The following ANTXRL variants were observed in gnomAD, a reference collection of about 807,000 sequenced individuals.
ANTXRL encodes the protein ANTXR like.
A neutral mutation model predicts 75.4 loss-of-function variants in ANTXRL; 63 were observed. The observed-to-expected ratio is 0.84, with a 90% confidence interval of 0.68 to 1.03. The LOEUF is 1.03. ANTXRL is among the 50% of genes least tolerant of loss of function. The pLI, the probability that ANTXRL is intolerant of heterozygous loss-of-function variation, is 0.00. For synonymous variants in ANTXRL, 335 were observed against 291.3 expected (o/e 1.15, Z -1.53); for missense variants, 797 against 789.4 (o/e 1.01, Z -0.12).
chr10:46,329,872 G>A lies in ANTXRL; in HGVS notation c.1684G>A (p.Glu562Lys). 1 of 1,535,264 alleles carries A rather than the reference G, an allele frequency of 6.5e-7. No homozygotes were observed. Among genetic ancestry groups the A allele is most frequent in the Non-Finnish European group, 8.7e-7 (1 of 1,146,366 alleles). Residue 562 changes from glutamate to lysine, a missense_variant, in exon 17 of 17, where the codon GAG (glutamate) becomes AAG (lysine). Transcript: ENST00000620264. ...AAGGATCTGCCTGAGACACAGCCCG[G>A]AGTACTTTTCCCAAGCACAGACTCT... ...SPRICLRHSP[E>K]YFSQAQTLCN...
intron 13 of ANTXRL, among the ~76,000 whole-genome samples, chr10:46,310,256 G>C (rs1359036650): frequency 6.6e-6 from 1 of 152,106 alleles, no homozygotes; most frequent in Admixed American, 6.5e-5. Flanking sequence ...CGGTACAGGG[G>C]TTCCCCTTTG....
chr10:46,293,487 T>G (rs1837161152), intron 2 of ANTXRL, among the ~76,000 whole-genome samples: 1 of 139,844 alleles, frequency 7.2e-6, no homozygotes, highest in African/African-American at 2.7e-5. Flanking sequence ...TGTGTGTGGG[T>G]GTTTGTGTGG....
Position 46,303,121 on chromosome 10 carries a change from C to T in ANTXRL, c.895+301C>T, listed in dbSNP as rs189297054. Among the ~76,000 whole-genome samples, 211 of 152,304 alleles carry T rather than the reference C, an allele frequency of 1.4e-3. 1 individual carries two copies. The highest frequency in any genetic ancestry group is 2.5e-3 in the Non-Finnish European group (172 of 68,044). ...CACAGCTGCATCTGCCCACCTTAGC[C>T]TCAGTTTCCCCTTCCCTTGAGAGCC... On this transcript the variant is annotated intron_variant, in intron 10 of 16. Coordinates refer to ENST00000620264, the MANE Select transcript of ANTXRL (RefSeq NM_001278688.3).
At chr10:46,286,621 T>G (rs72472018), upstream of ANTXRL, among the ~76,000 whole-genome samples, 10,495 of 152,152 alleles carry the variant, frequency 0.069, 939 homozygotes, top group African/African-American at 0.2. Context: ...TACACAGCAG[T>G]AGAGAACCGG....
rs1588879295 is a variant in ANTXRL, at chr10:46,329,512, C to G, written c.1411-87C>G. The G allele has an allele frequency of 6.1e-6, 9 of 1,479,686 alleles. No individual in the cohort carries two copies. In the East Asian group the frequency reaches 2.2e-4, roughly 37 times the overall value. 91.7% of individuals were successfully genotyped at this position (1,479,686 alleles called of 1,614,324 possible). A position where few individuals can be genotyped will look rare whatever the true frequency, so the allele number is the denominator to read the frequency against. On this transcript the variant is annotated intron_variant, in intron 16 of 16. Transcript: ENST00000620264. ...CTGTGGGTCCCGATGGGTCCTGGCC[C>G]CATCCCTTTGAGCCAGGCAACCGCA...
intron 15 of ANTXRL, among the ~76,000 whole-genome samples, 189 bp downstream of exon 15, chr10:46,311,854 T>G (rs1838447469): frequency 6.6e-6 from 1 of 152,098 alleles, no homozygotes; most frequent in Admixed American, 6.5e-5. Flanking sequence ...GGCAGGCATA[T>G]ATGAGGGCTC....
Position 46,298,033 on chromosome 10 carries a change from C to T in ANTXRL, c.767C>T (p.Ser256Leu), listed in dbSNP as rs113049675. The T allele has an allele frequency of 1.2e-3, 1,898 of 1,535,878 alleles. 16 individuals carry two copies. In the African/African-American group the frequency reaches 0.023, roughly 19 times the overall value. Residue 256 changes from serine (S) to leucine (L), a missense_variant, in exon 9 of 17, where the codon TCG (serine) becomes TTG (leucine). This residue lies in a region of ANTXRL where 56 missense variants were observed against 95.5 expected (regional missense o/e 0.59). Coordinates refer to ENST00000620264, the MANE Select transcript of ANTXRL (RefSeq NM_001278688.3). ...TCAAAGGTCTGTCTTGATGTGACAT[C>T]GGTGGAGCCTTCCTCTGAGTGTGTA... is the stretch of plus-strand genomic sequence containing the variant. ...LTSKVCLDVT[S>L]VEPSSECVGE... is the part of the protein sequence containing the mutation.
At chr10:46,304,281 C>T (rs1312085459) in intron 10 of ANTXRL, among the ~76,000 whole-genome samples, 2 of 152,140 alleles carry the variant, frequency 1.3e-5, no homozygotes, top group African/African-American at 2.4e-5. Flanking sequence ...GAGAGTTTCT[C>T]TCTAAAAGAA....
intron 14 of ANTXRL, 26 bp downstream of exon 14, chr10:46,310,525 T>C (rs1554963206): frequency 6.5e-7 from 1 of 1,535,154 alleles, no homozygotes; most frequent in East Asian, 2.4e-5. Flanking sequence ...GGTCCCGATA[T>C]TGTCACATCC....
chr10:46,311,367 G>C (rs1554963437), intron 14 of ANTXRL, 143 bp from the exon 15 acceptor site: 28 of 1,204,332 alleles, frequency 2.3e-5, no homozygotes, highest in Non-Finnish European at 3.1e-5. Context: ...ACTAGGAGGA[G>C]TTTGCGTGTT....
intron 10 of ANTXRL, among the ~76,000 whole-genome samples, chr10:46,303,293 T>C (rs55818333): frequency 0.026 from 3,903 of 152,198 alleles, 66 homozygotes; most frequent in Non-Finnish European, 0.035. Flanking sequence ...GGCCTGGGCC[T>C]TGGAATCCTG....
chr10:46,313,346 G>A (rs1838541758), intron 16 of ANTXRL, 30 bp downstream of exon 16: 1 of 1,529,096 alleles, frequency 6.5e-7, no homozygotes, highest in African/African-American at 1.4e-5. Flanking sequence ...CACAGTTGAT[G>A]GACAAAAGGC....
At chr10:46,298,266 G>A (rs1282478244) in intron 9 of ANTXRL, among the ~76,000 whole-genome samples, 2 of 151,912 alleles carry the variant, frequency 1.3e-5, no homozygotes, top group East Asian at 3.9e-4. Flanking sequence ...TGTGTAGTAT[G>A]TCTGGGAAGT....
At chr10:46,302,436 TG>T (rs1300219787) in intron 9 of ANTXRL, among the ~76,000 whole-genome samples, 1 of 152,202 alleles carries the variant, frequency 6.6e-6, no homozygotes, top group Non-Finnish European at 1.5e-5. Context: ...ACTCTGAGCC[TG>T]CCCTGTGCAA....
At chr10:46,314,157 G>C (rs532447149) in intron 16 of ANTXRL, among the ~76,000 whole-genome samples, 2 of 152,198 alleles carry the variant, frequency 1.3e-5, no homozygotes, top group Admixed American at 6.5e-5. Context: ...GCATGGACAA[G>C]GCCTTGCAGG....
At chr10:46,325,997 C>T (rs1168761709) in intron 16 of ANTXRL, among the ~76,000 whole-genome samples, 1 of 152,006 alleles carries the variant, frequency 6.6e-6, no homozygotes, top group Non-Finnish European at 1.5e-5. Context: ...AAGTCCTTTA[C>T]AGTGGCTCTA....
At position 46,297,854 on chromosome 10, in the gene ANTXRL, T is replaced by C. The variant is rs1837476047; in HGVS notation, c.678T>C (p.Pro226=). The change falls in exon 8 of 17, where the codon CCT becomes CCC. Residue 226 remains proline (P), a synonymous_variant. Coordinates refer to ENST00000620264, the MANE Select transcript of ANTXRL (RefSeq NM_001278688.3). Reference sequence around the variant, plus strand: ...AGATAACAGCAATTGCAGACAGCCCTGGCCACGTGTTTGCAGTGGAGAATG... The same window carrying C: ...AGATAACAGCAATTGCAGACAGCCCCGGCCACGTGTTTGCAGTGGAGAATG... ...LDQITAIADS[P]GHVFAVENGF... 4 of 1,535,908 alleles carry C rather than the reference T, an allele frequency of 2.6e-6. No individual in the cohort carries two copies. In the East Asian group the frequency reaches 9.8e-5, roughly 38 times the overall value.
intron 10 of ANTXRL, among the ~76,000 whole-genome samples, chr10:46,305,191 G>T (rs1222438765): frequency 6.6e-6 from 1 of 152,164 alleles, no homozygotes; most frequent in Non-Finnish European, 1.5e-5. Flanking sequence ...GCCTTCCCTG[G>T]CGGCTGATGC....
chr10:46,287,715 G>A (rs1836821989), intron 1 of ANTXRL, among the ~76,000 whole-genome samples: 1 of 152,104 alleles, frequency 6.6e-6, no homozygotes, highest in Non-Finnish European at 1.5e-5. Flanking sequence ...TCATCTCCTG[G>A]ATGAGGAAAA....
Sources: gnomAD v4.1 joint callset for allele counts (sites outside exome capture counted in the v4.1 genomes callset) on GRCh38, gnomAD v4.1.1 for gene constraint, gnomAD v4.1.1 regional missense constraint, MANE v1.5 for transcripts, NCBI Gene and HGNC (gene_info 2026-07-23, HGNC 2026-07-21) for gene names.